Variants in COBL observed in about 807,000 individuals in gnomAD.
The protein encoded by COBL is protein cordon-bleu.
COBL carries 51 observed loss-of-function variants against 98.8 expected under a neutral mutation model. The ratio of observed to expected loss-of-function variants is 0.52; its 90% CI spans 0.41 to 0.65. The LOEUF (loss-of-function observed/expected upper bound fraction) is 0.65. Ranked by LOEUF, COBL falls within the 30% of genes least tolerant of loss-of-function variation. COBL has a pLI of 0.00. For missense variants in COBL, 1,617 were observed against 1,617.5 expected (o/e 1.00, Z 0.01); for synonymous variants, 634 against 651.7 (o/e 0.97, Z 0.41).
At chr7:51,159,453 A>G (rs530890630) in intron 5 of COBL, among the ~76,000 whole-genome samples, 1 of 152,348 alleles carries the variant, frequency 6.6e-6, no homozygotes, top group African/African-American at 2.4e-5. Flanking sequence ...AGGGACAGAG[A>G]GCTCTGCTTC....
At chr7:51,104,665 G>A (rs1415210748) in intron 6 of COBL, among the ~76,000 whole-genome samples, 3 of 151,990 alleles carry the variant, frequency 2.0e-5, no homozygotes, top group Non-Finnish European at 4.4e-5. Flanking sequence ...ACCAACAGTC[G>A]GCAGTCTAAG....
chr7:51,180,151 G>A (rs993246847), intron 5 of COBL, among the ~76,000 whole-genome samples: 9 of 152,148 alleles, frequency 5.9e-5, no homozygotes, highest in Non-Finnish European at 5.9e-5. Flanking sequence ...AAGACACATT[G>A]AAAGCACTGG....
intron 7 of COBL, among the ~76,000 whole-genome samples, chr7:51,074,039 G>A (rs1480544020): frequency 6.6e-6 from 1 of 152,006 alleles, no homozygotes; most frequent in Non-Finnish European, 1.5e-5. Flanking sequence ...TGAAGGCCTT[G>A]GGGGAAAGGG....
intron 7 of COBL, among the ~76,000 whole-genome samples, chr7:51,067,398 T>C (rs1409923171): frequency 2.6e-5 from 4 of 152,268 alleles, no homozygotes; most frequent in Non-Finnish European, 1.5e-5. Context: ...CACTTGTGTA[T>C]GTATGCATAG....
chr7:51,068,743 A>G (rs1792225255), intron 7 of COBL, among the ~76,000 whole-genome samples: 1 of 152,130 alleles, frequency 6.6e-6, no homozygotes, highest in Admixed American at 6.5e-5. Context: ...CACTCCTATA[A>G]AGCTGTGAAA....
chr7:51,193,436 A>G lies in COBL; in HGVS notation c.399T>C (p.Phe133=), dbSNP rs1478687835. Residue 133 remains phenylalanine (F), a synonymous_variant, in exon 3 of 13, where the codon TTT becomes TTC. Coordinates refer to ENST00000265136, the MANE Select transcript of COBL (RefSeq NM_015198.5). ...TCTCTTCAGGAACTTTTTCTTTCAG[A>G]AACACAGTATGCACATTCAGGGTCC... ...LIGTLNVHTV[F]LKEKVPEEKV... 1.2e-6 allele frequency: 2 copies of G among 1,614,096 alleles called. No homozygotes were observed. The highest frequency in any genetic ancestry group is 2.7e-5 in the African/African-American group (2 of 74,926).
intron 1 of COBL, among the ~76,000 whole-genome samples, chr7:51,314,311 G>A (rs997974479): frequency 1.1e-4 from 16 of 152,186 alleles, no homozygotes; most frequent in African/African-American, 2.9e-4. Context: ...GAAGACAGAG[G>A]CTTACTGAAA....
At chr7:51,209,974 C>G (rs1157732611) in intron 2 of COBL, among the ~76,000 whole-genome samples, 2 of 152,220 alleles carry the variant, frequency 1.3e-5, no homozygotes, top group African/African-American at 4.8e-5. Flanking sequence ...GGCTCCACAG[C>G]TTTTCCCCAG....
At chr7:51,268,790 C>A (rs1798458638) in intron 1 of COBL, among the ~76,000 whole-genome samples, 1 of 151,972 alleles carries the variant, frequency 6.6e-6, no homozygotes, top group South Asian at 2.1e-4. Context: ...ATTAGCCAGG[C>A]ATGGTGGCAG....
At chr7:51,051,278 C>T (rs942411717) in intron 7 of COBL, among the ~76,000 whole-genome samples, 6 of 152,140 alleles carry the variant, frequency 3.9e-5, no homozygotes, top group Non-Finnish European at 8.8e-5. Context: ...TATATATAAT[C>T]CCTCTCTAGA....
At chr7:51,036,309 C>T (rs1280952131) in intron 8 of COBL, among the ~76,000 whole-genome samples, 2 of 134,388 alleles carry the variant, frequency 1.5e-5, no homozygotes, top group African/African-American at 5.9e-5. Context: ...TGCACTACAG[C>T]CTGGGTGACA....
intron 6 of COBL, among the ~76,000 whole-genome samples, chr7:51,134,690 G>A (rs1405544424): frequency 1.3e-5 from 2 of 152,118 alleles, no homozygotes; most frequent in African/African-American, 4.8e-5. Flanking sequence ...GATATTCCCA[G>A]GGGCATGTAG....
intron 6 of COBL, among the ~76,000 whole-genome samples, chr7:51,087,697 C>T (rs770231744): frequency 9.2e-5 from 14 of 151,362 alleles, no homozygotes; most frequent in Admixed American, 3.3e-4. Context: ...TGGTCTTGAA[C>T]TCCTGGGCTC....
intron 6 of COBL, among the ~76,000 whole-genome samples, chr7:51,131,665 C>T (rs577078614): frequency 6.6e-6 from 1 of 151,980 alleles, no homozygotes; most frequent in Non-Finnish European, 1.5e-5. Flanking sequence ...ACGATCTCGG[C>T]CCACTGCAAC....
At chr7:51,149,059 C>T (rs561581748) in intron 5 of COBL, among the ~76,000 whole-genome samples, 36 of 152,320 alleles carry the variant, frequency 2.4e-4, no homozygotes, top group African/African-American at 7.9e-4. Context: ...TCAAGGTTTG[C>T]TATAAACCCC....
chr7:51,254,031 T>A, intron 1 of COBL, among the ~76,000 whole-genome samples: 1 of 152,214 alleles, frequency 6.6e-6, no homozygotes, highest in Non-Finnish European at 1.5e-5. Flanking sequence ...TTATGTTGGA[T>A]ACCTCATTCC....
intron 1 of COBL, among the ~76,000 whole-genome samples, chr7:51,236,800 C>T (rs1266906766): frequency 6.6e-6 from 1 of 152,118 alleles, no homozygotes; most frequent in Admixed American, 6.5e-5. Context: ...ACGATGCACT[C>T]AAAAAACAAG....
At chr7:51,087,128 A>ACG (rs1794351591) in intron 6 of COBL, among the ~76,000 whole-genome samples, 2 of 150,694 alleles carry the variant, frequency 1.3e-5, no homozygotes, top group African/African-American at 4.9e-5. Context: ...AAACACACAC[A>ACG]CACACACACA....
intron 7 of COBL, among the ~76,000 whole-genome samples, chr7:51,077,565 G>A (rs1425538543): frequency 2.0e-5 from 3 of 152,170 alleles, no homozygotes; most frequent in Non-Finnish European, 4.4e-5. Flanking sequence ...TAAAAAGGCT[G>A]CACTTTGTCC....
Sources: allele counts gnomAD v4.1 joint callset (sites outside exome capture counted in the v4.1 genomes callset), GRCh38; gene constraint gnomAD v4.1.1; transcripts MANE v1.5; gene names NCBI Gene and HGNC (gene_info 2026-07-23, HGNC 2026-07-21).